Variants in PCYOX1L observed in about 807,000 individuals in gnomAD.
PCYOX1L encodes the protein prenylcysteine oxidase 1 like.
PCYOX1L carries 40 observed loss-of-function variants against 44.1 expected under a neutral mutation model. The observed-to-expected ratio is 0.91, with a 90% confidence interval of 0.70 to 1.18. The LOEUF (loss-of-function observed/expected upper bound fraction) is 1.18. PCYOX1L is among the 50% of genes most tolerant of loss of function. The probability of loss-of-function intolerance (pLI) is 0.00; values close to 1 mark genes in which losing one functional copy is unlikely to be tolerated. For missense variants in PCYOX1L, 605 were observed against 653.3 expected (o/e 0.93, Z 0.81); for synonymous variants, 266 against 282.8 (o/e 0.94, Z 0.60).
At chr5:149,362,438 A>C (rs1216854169) in intron 1 of PCYOX1L, 199 bp from the exon 2 acceptor site, 2 of 596,058 alleles carry the variant, frequency 3.4e-6, no homozygotes, top group Middle Eastern at 4.4e-4. Context: ...TATAGTAGGC[A>C]GCAGTTTTCA....
At position 149,358,054 on chromosome 5, in the gene PCYOX1L, C is replaced by A. The variant is rs976045368; in HGVS notation, c.-15C>A. ...TAGCGCCTGAATCCGGCGTGCTGCC[C>A]GCTCGCCGCCCGCCATGGCCCGCGC... On this transcript the variant is annotated 5_prime_UTR_variant, in exon 1 of 6. Coordinates refer to ENST00000274569, the MANE Select transcript of PCYOX1L (RefSeq NM_024028.4). 7 of 1,329,174 alleles carry A rather than the reference C, an allele frequency of 5.3e-6. No homozygotes were observed. The highest frequency in any genetic ancestry group is 3.1e-5 in the African/African-American group (2 of 64,794). The allele number at this position is 1,329,174 out of a possible 1,614,324, so 82.3% of individuals were successfully genotyped here.
chr5:149,368,604 G>C lies in PCYOX1L; in HGVS notation c.1435G>C (p.Asp479His), dbSNP rs371090631. ...TTACAACCGCTGGTACCAGGACCTA[G>C]ACAAGATTGATCAAAAAGATTTGAT... Reference protein sequence around the residue: ...LAYNRWYQDLDKIDQKDLMHK... With the variant: ...LAYNRWYQDLHKIDQKDLMHK... Residue 479 changes from aspartate to histidine, a missense_variant, in exon 6 of 6, where the codon GAC becomes CAC. Asp to His is a moderately conservative substitution (Grantham distance 81). Transcript: ENST00000274569. The C allele has an allele frequency of 4.8e-5, 74 of 1,540,568 alleles. No homozygotes were observed. Among genetic ancestry groups the C allele is most frequent in the Middle Eastern group, 1.7e-4 (1 of 5,728 alleles).
rs1187573558 is a variant in PCYOX1L, at chr5:149,368,631, C to T, written c.1462C>T (p.His488Tyr). The T allele has an allele frequency of 1.4e-5, 21 of 1,523,476 alleles. No homozygotes were observed. The highest frequency in any genetic ancestry group is 1.7e-5 in the Non-Finnish European group (19 of 1,142,674). The allele number at this position is 1,523,476 out of a possible 1,614,324, so 94.4% of individuals were successfully genotyped here. The stretch of plus-strand genomic sequence containing the variant: ...CAAGATTGATCAAAAAGATTTGATG[C>T]ACAAGGTCAAGACTGAACTGTGAGG... ...LDKIDQKDLMHKVKTEL is the reference protein window; with the variant it reads ...LDKIDQKDLMYKVKTEL The change falls in exon 6 of 6, where the codon CAC (histidine) becomes TAC (tyrosine). Residue 488 changes from histidine (H) to tyrosine (Y), a missense_variant. Coordinates refer to ENST00000274569, the MANE Select transcript of PCYOX1L (RefSeq NM_024028.4).
intron 1 of PCYOX1L, among the ~76,000 whole-genome samples, chr5:149,361,714 C>T (rs1257718571): frequency 2.0e-5 from 3 of 152,152 alleles, no homozygotes; most frequent in East Asian, 1.9e-4. Context: ...CCACAACCTC[C>T]GCCTCCCAGG....
intron 1 of PCYOX1L, among the ~76,000 whole-genome samples, chr5:149,358,908 C>T (rs1039040935): frequency 2.0e-5 from 3 of 152,236 alleles, no homozygotes; most frequent in African/African-American, 7.2e-5. Flanking sequence ...GCTATACTTG[C>T]TGTGTCACAT....
chr5:149,364,108 C>T lies in PCYOX1L; in HGVS notation c.368C>T (p.Thr123Ile). The T allele has an allele frequency of 6.2e-7, 1 of 1,614,136 alleles. No individual in the cohort carries two copies. The highest frequency in any genetic ancestry group is 8.5e-7 in the Non-Finnish European group (1 of 1,180,026). The change falls in exon 3 of 6, where the codon ACT (threonine) becomes ATT (isoleucine). Residue 123 changes from threonine (T) to isoleucine (I), a missense_variant. By Grantham distance (89) the Thr-to-Ile change is moderately conservative (BLOSUM62 -1). Transcript: ENST00000274569. ...GGGGAGCACTTCATGCTGGAGGAGA[C>T]TGACTGGTACCTGCTGAACCTCTTC... ...FGGEHFMLEE[T>I]DWYLLNLFRL...
chr5:149,363,906 C>A, intron 2 of PCYOX1L, 130 bp from the exon 3 acceptor site: 1 of 989,522 alleles, frequency 1.0e-6, no homozygotes, highest in Non-Finnish European at 1.5e-6. Flanking sequence ...CATCTGTTTA[C>A]TGTTTATTAA....
chr5:149,368,736 G>C lies in PCYOX1L; in HGVS notation c.*82G>C, dbSNP rs780190756. On this transcript the variant is annotated 3_prime_UTR_variant, in exon 6 of 6. Coordinates refer to ENST00000274569, the MANE Select transcript of PCYOX1L (RefSeq NM_024028.4). ...AGCAGCCCAGGACTGAATAAGCCAT[G>C]CTCGCCCACCAGGCTTCTTTCTGAC... 16 of 1,365,896 alleles carry C rather than the reference G, an allele frequency of 1.2e-5. No homozygotes were observed. The Admixed American group carries it at 1.6e-4, about 14-fold the overall frequency. The allele number at this position is 1,365,896 out of a possible 1,614,324, so 84.6% of individuals were successfully genotyped here.
intron 2 of PCYOX1L, 178 bp downstream of exon 2, chr5:149,363,021 G>T: frequency 1.3e-6 from 1 of 768,424 alleles, no homozygotes; most frequent in Non-Finnish European, 2.2e-6. Context: ...TACACAGTGA[G>T]TTAGTTGCAG....
In PCYOX1L at chr5:149,362,752, C is replaced by T. The variant is rs769756557; in HGVS notation, c.204C>T (p.Ala68=). Residue 68 remains alanine, a synonymous_variant, in exon 2 of 6, where the codon GCC becomes GCT. Coordinates refer to ENST00000274569, the MANE Select transcript of PCYOX1L (RefSeq NM_024028.4). ...AGGGAACCGTGGGTGGCCGCTTGGC[C>T]ACCATCTCAGTCAACAAGCAGCACT... ...YEKGTVGGRL[A]TISVNKQHYE... 2.2e-5 allele frequency: 35 copies of T among 1,614,068 alleles called. No individual in the cohort carries two copies. The East Asian group carries it at 6.9e-4, about 32-fold the overall frequency.
At position 149,364,080 on chromosome 5, in the gene PCYOX1L, G is replaced by A. The variant is rs770205469; in HGVS notation, c.340G>A (p.Gly114Ser). 10 of 1,613,960 alleles carry A rather than the reference G, an allele frequency of 6.2e-6. No individual in the cohort carries two copies. Among genetic ancestry groups the A allele is most frequent in the Admixed American group, 5.0e-5 (3 of 59,996 alleles). Residue 114 changes from glycine to serine, a missense_variant, in exon 3 of 6, where the codon GGC (glycine) becomes AGC (serine). Gly to Ser is a moderately conservative substitution (Grantham distance 56). Transcript: ENST00000274569. ...REVVGRSAIF[G>S]GEHFMLEETD... Reference sequence around the variant, plus strand: ...GGTGGTGGGCAGGAGCGCCATCTTCGGCGGGGAGCACTTCATGCTGGAGGA... The same window carrying A: ...GGTGGTGGGCAGGAGCGCCATCTTCAGCGGGGAGCACTTCATGCTGGAGGA...
intron 1 of PCYOX1L, among the ~76,000 whole-genome samples, chr5:149,361,054 G>A (rs1015697170): frequency 2.6e-5 from 4 of 152,178 alleles, no homozygotes; most frequent in South Asian, 2.1e-4. Context: ...TTATAGGTAG[G>A]GTGGTAGTCC....
rs766392388 is a variant in PCYOX1L, at chr5:149,368,104, A to C, written c.935A>C (p.Asn312Thr). 17 of 1,612,608 alleles carry C rather than the reference A, an allele frequency of 1.1e-5. No homozygotes were observed. The South Asian group carries it at 1.9e-4, about 18-fold the overall frequency. Residue 312 changes from asparagine (N) to threonine (T), a missense_variant, in exon 6 of 6, where the codon AAC (asparagine) becomes ACC (threonine). Coordinates refer to ENST00000274569, the MANE Select transcript of PCYOX1L (RefSeq NM_024028.4). Reference protein sequence around the residue: ...TPLHLDNSSSNLTFAGFHPPI... With the variant: ...TPLHLDNSSSTLTFAGFHPPI... Reference sequence around the variant, plus strand: ...CTGCACCTGGACAACAGCAGCAGCAACTTAACCTTTGCAGGCTTCCACCCG... The same window carrying C: ...CTGCACCTGGACAACAGCAGCAGCACCTTAACCTTTGCAGGCTTCCACCCG...
chr5:149,362,328 A>G (rs905773431), intron 1 of PCYOX1L: 2 of 374,494 alleles, frequency 5.3e-6, no homozygotes, highest in African/African-American at 4.1e-5. Flanking sequence ...AGTGAGTTTT[A>G]TATAAAACTA....
At position 149,364,214 on chromosome 5, in the gene PCYOX1L, G is replaced by A; in HGVS notation, c.470+4G>A. On this transcript the variant is annotated splice_donor_region_variant and intron_variant, in intron 3 of 5. Transcript: ENST00000274569. The stretch of plus-strand genomic sequence containing the variant: ...AGGTCATGGAGAAGTTCATGAGGTA[G>A]GGCTGGCAGAGCTGTGGGGATGGCG... 2 of 1,613,902 alleles carry A rather than the reference G, an allele frequency of 1.2e-6. No homozygotes were observed. Among genetic ancestry groups the A allele is most frequent in the Non-Finnish European group, 1.7e-6 (2 of 1,179,980 alleles).
In PCYOX1L at chr5:149,367,929, C is replaced by T. The variant is rs889626353; in HGVS notation, c.824-64C>T. Reference sequence around the variant, plus strand: ...TCTCGTTGTACCTCAATGCTGGACCCCAGTAGGGAGTTCAGTGGGTAGAAG... The same window carrying T: ...TCTCGTTGTACCTCAATGCTGGACCTCAGTAGGGAGTTCAGTGGGTAGAAG... On this transcript the variant is annotated intron_variant, in intron 5 of 5. Coordinates refer to ENST00000274569, the MANE Select transcript of PCYOX1L (RefSeq NM_024028.4). The T allele has an allele frequency of 6.7e-6, 10 of 1,494,114 alleles. No individual in the cohort carries two copies. The East Asian group carries it at 2.0e-4, about 31-fold the overall frequency. 92.6% of individuals were successfully genotyped at this position (1,494,114 alleles called of 1,614,324 possible).
At position 149,363,861 on chromosome 5, in the gene PCYOX1L, T is replaced by C. The variant is rs529587017; in HGVS notation, c.296-175T>C. ...GTTACATTATTTTCATTTTCATTTT[T>C]TTATTGACTTGGTAGTCCAAACATT... On this transcript the variant is annotated intron_variant, in intron 2 of 5. Transcript: ENST00000274569. 6.3e-6 allele frequency: 4 copies of C among 638,812 alleles called. No individual in the cohort carries two copies. The South Asian group carries it at 1.2e-4, about 20-fold the overall frequency. The allele number at this position is 638,812 out of a possible 1,614,324, so 39.6% of individuals were successfully genotyped here. A position where few individuals can be genotyped will look rare whatever the true frequency, so the allele number is the denominator to read the frequency against.
chr5:149,365,789 G>T, intron 3 of PCYOX1L, 153 bp from the exon 4 acceptor site: 1 of 664,868 alleles, frequency 1.5e-6, no homozygotes. Context: ...TCAGAGAACA[G>T]GTGCCAGGGA....
At position 149,368,439 on chromosome 5, in the gene PCYOX1L, G is replaced by A. The variant is rs748322736; in HGVS notation, c.1270G>A (p.Ala424Thr). ...YYSVQTAEWQ[A>T]HPLYGSRPTL... ...CTCAGTGCAGACAGCTGAGTGGCAG[G>A]CCCATCCCCTCTATGGCTCCCGCCC... The change falls in exon 6 of 6, where the codon GCC (alanine) becomes ACC (threonine). Residue 424 changes from alanine (A) to threonine (T), a missense_variant. Physicochemically the swap from Ala to Thr is moderately conservative, Grantham distance 58. Coordinates refer to ENST00000274569, the MANE Select transcript of PCYOX1L (RefSeq NM_024028.4). 1 of 1,613,976 alleles carries A rather than the reference G, an allele frequency of 6.2e-7. No homozygotes were observed. The highest frequency in any genetic ancestry group is 8.5e-7 in the Non-Finnish European group (1 of 1,179,966).
Sources: gnomAD v4.1 joint callset for allele counts (sites outside exome capture counted in the v4.1 genomes callset) on GRCh38, gnomAD v4.1.1 for gene constraint, MANE v1.5 for transcripts, NCBI Gene and HGNC (gene_info 2026-07-23, HGNC 2026-07-21) for gene names.